The following FAM135B variants were observed in gnomAD, a reference collection of about 807,000 sequenced individuals.
The protein encoded by FAM135B is protein FAM135B.
Under a neutral mutation model 127.7 loss-of-function variants are expected in FAM135B, and 43 were observed. The ratio of observed to expected loss-of-function variants is 0.34; its 90% CI spans 0.26 to 0.43. The LOEUF (loss-of-function observed/expected upper bound fraction) is 0.43, where lower values mean the gene tolerates loss of function less well. FAM135B is among the 20% of genes least tolerant of loss of function. The pLI is 1.00. For missense variants in FAM135B, 1,558 were observed against 1,725.6 expected (o/e 0.90, Z 1.72); for synonymous variants, 670 against 665.1 (o/e 1.01, Z -0.11).
chr8:138,316,259 C>G (rs891575999), intron 2 of FAM135B, among the ~76,000 whole-genome samples: 1 of 152,154 alleles, frequency 6.6e-6, no homozygotes, highest in Non-Finnish European at 1.5e-5. Context: ...GTAATCCCAG[C>G]ACTTTGGGAG....
At chr8:138,396,793 AG>A (rs1469750717) in intron 1 of FAM135B, among the ~76,000 whole-genome samples, 2 of 152,148 alleles carry the variant, frequency 1.3e-5, no homozygotes, top group East Asian at 3.9e-4. Context: ...CCACGCACAG[AG>A]CAGCCTGTGT....
chr8:138,391,401 C>T (rs1832568463), intron 1 of FAM135B, among the ~76,000 whole-genome samples: 1 of 152,096 alleles, frequency 6.6e-6, no homozygotes. Context: ...ATTCACCTCC[C>T]AGCTTCTCCA....
At chr8:138,405,221 T>C (rs1264941144) in intron 1 of FAM135B, among the ~76,000 whole-genome samples, 1 of 151,852 alleles carries the variant, frequency 6.6e-6, no homozygotes, top group African/African-American at 2.4e-5. Flanking sequence ...TTCTTTTTTT[T>C]TTCTTCTTAT....
At chr8:138,348,970 C>T (rs1162961479) in intron 2 of FAM135B, among the ~76,000 whole-genome samples, 1 of 152,224 alleles carries the variant, frequency 6.6e-6, no homozygotes, top group Admixed American at 6.5e-5. Flanking sequence ...TGGCCAGGGC[C>T]CAGGCCCCTC....
chr8:138,203,521 G>A (rs908754824), intron 7 of FAM135B, among the ~76,000 whole-genome samples: 4 of 152,142 alleles, frequency 2.6e-5, no homozygotes, highest in African/African-American at 4.8e-5. Context: ...GTGTCTTGCT[G>A]TTCTGATCTT....
rs186109085 is a variant in FAM135B, at chr8:138,152,344, G to A, written c.2131C>T (p.Arg711Trp). 184 of 1,614,142 alleles carry A rather than the reference G, an allele frequency of 1.1e-4. No homozygotes were observed. In the African/African-American group the frequency reaches 2.1e-3, roughly 18 times the overall value. Residue 711 changes from arginine (R) to tryptophan (W), a missense_variant, in exon 13 of 20, where the codon CGG becomes TGG. By Grantham distance (101) the Arg-to-Trp change is moderately radical. Transcript: ENST00000395297. ...CGAACAAACGGGTGCAAGACTTCCC[G>A]ATCACTGGGCAACTCCAGAGCCCTG... ...RSRALELPSD[R>W]EVLHPFVRRH...
chr8:138,444,946 C>A (rs997498103), intron 1 of FAM135B, among the ~76,000 whole-genome samples: 3 of 151,560 alleles, frequency 2.0e-5, no homozygotes, highest in African/African-American at 7.3e-5. Context: ...ATCAAATAGC[C>A]GCAATAAAAA....
chr8:138,268,429 G>T (rs1036481038), intron 3 of FAM135B, among the ~76,000 whole-genome samples: 15 of 152,098 alleles, frequency 9.9e-5, no homozygotes, highest in Non-Finnish European at 2.1e-4. Context: ...CATTAAGCCT[G>T]GGATAAGGCA....
chr8:138,150,475 C>T (rs1275063150), intron 13 of FAM135B, among the ~76,000 whole-genome samples: 1 of 152,162 alleles, frequency 6.6e-6, no homozygotes, highest in Non-Finnish European at 1.5e-5. Flanking sequence ...CGAGACCATC[C>T]TAGCCAACAT....
chr8:138,410,306 T>C (rs991036279), intron 1 of FAM135B, among the ~76,000 whole-genome samples: 4 of 152,178 alleles, frequency 2.6e-5, no homozygotes, highest in East Asian at 1.9e-4. Flanking sequence ...GCTTCTAAGA[T>C]AGCCCCAGTG....
chr8:138,178,108 T>G (rs1388758962), intron 10 of FAM135B, among the ~76,000 whole-genome samples: 1 of 151,778 alleles, frequency 6.6e-6, no homozygotes, highest in East Asian at 1.9e-4. Context: ...ATTAGTCGGG[T>G]GTGGTGGTGT....
Position 138,252,835 on chromosome 8 carries a change from A to G in FAM135B, c.369-1821T>C, listed in dbSNP as rs145403570. ...GAGATGGAGTCTCACTCTGTCACCCAGGCTGCCAGGCTGGAGTGCAGTGGC... is the reference window on the plus strand; with the variant it reads ...GAGATGGAGTCTCACTCTGTCACCCGGGCTGCCAGGCTGGAGTGCAGTGGC... On this transcript the variant is annotated intron_variant, in intron 5 of 19. Transcript: ENST00000395297. 4.7e-4 allele frequency among the ~76,000 whole-genome samples: 72 copies of G among 152,298 alleles called. No individual in the cohort carries two copies. In the East Asian group the frequency reaches 0.013, roughly 28 times the overall value.
At chr8:138,354,397 T>C (rs1189619632) in intron 2 of FAM135B, among the ~76,000 whole-genome samples, 1 of 152,168 alleles carries the variant, frequency 6.6e-6, no homozygotes, top group African/African-American at 2.4e-5. Context: ...TTTCCATTTC[T>C]GTACCTTTGT....
At chr8:138,309,043 G>T (rs1282708132) in intron 3 of FAM135B, 3 of 445,168 alleles carry the variant, frequency 6.7e-6, no homozygotes, top group Non-Finnish European at 1.3e-5. Flanking sequence ...CTGTGAAATA[G>T]AAAGTGTCCT....
At chr8:138,259,548 C>G (rs891714933) in intron 4 of FAM135B, among the ~76,000 whole-genome samples, 1 of 152,134 alleles carries the variant, frequency 6.6e-6, no homozygotes, top group Non-Finnish European at 1.5e-5. Context: ...ATTATTATTG[C>G]TGTCATTTTC....
At chr8:138,161,448 G>A (rs983244492) in intron 12 of FAM135B, among the ~76,000 whole-genome samples, 1 of 152,070 alleles carries the variant, frequency 6.6e-6, no homozygotes, top group Non-Finnish European at 1.5e-5. Context: ...TATCATGGCT[G>A]TCATGAAATA....
intron 18 of FAM135B, among the ~76,000 whole-genome samples, chr8:138,137,716 C>T (rs1816781939): frequency 6.6e-6 from 1 of 152,116 alleles, no homozygotes; most frequent in Admixed American, 6.5e-5. Context: ...CAGCCTTCAC[C>T]ACGTCCCATG....
chr8:138,352,077 T>C (rs1479029055), intron 2 of FAM135B, among the ~76,000 whole-genome samples: 1 of 152,172 alleles, frequency 6.6e-6, no homozygotes, highest in Non-Finnish European at 1.5e-5. Flanking sequence ...TGCATAATAC[T>C]CTAGGTCTAG....
chr8:138,220,676 A>G (rs970371297), intron 7 of FAM135B, among the ~76,000 whole-genome samples: 1 of 152,184 alleles, frequency 6.6e-6, no homozygotes, highest in Non-Finnish European at 1.5e-5. Flanking sequence ...TGGTGGTGAT[A>G]ACAAAATTGA....
Sources: allele counts gnomAD v4.1 joint callset (sites outside exome capture counted in the v4.1 genomes callset), GRCh38; gene constraint gnomAD v4.1.1; transcripts MANE v1.5; gene names NCBI Gene and HGNC (gene_info 2026-07-23, HGNC 2026-07-21).